GRB10: variants seen among roughly 807,000 people sequenced by gnomAD.
GRB10 encodes growth factor receptor-bound protein 10.
In GRB10, 20 loss-of-function variants were observed where a neutral mutation model predicts 80.9. The ratio of observed to expected loss-of-function variants is 0.25; its 90% CI spans 0.17 to 0.36. GRB10 has a LOEUF of 0.36. Ranked by LOEUF, GRB10 falls within the 10% of genes least tolerant of loss-of-function variation. GRB10 has a pLI of 1.00. For synonymous variants in GRB10, 291 were observed against 291.5 expected (o/e 1.00, Z 0.02); for missense variants, 548 against 747.7 (o/e 0.73, Z 3.12).
intron 8 of GRB10, among the ~76,000 whole-genome samples, chr7:50,623,265 T>C (rs969902924): frequency 6.6e-6 from 1 of 152,156 alleles, no homozygotes; most frequent in Non-Finnish European, 1.5e-5. Flanking sequence ...CTGGGGGCAG[T>C]GCTAACATAG....
chr7:50,776,792 C>T (rs185129968), intron 2 of GRB10, among the ~76,000 whole-genome samples: 3 of 152,278 alleles, frequency 2.0e-5, no homozygotes, highest in Middle Eastern at 3.4e-3. Context: ...CACAGCAGAA[C>T]GGGCTTTACT....
intron 6 of GRB10, among the ~76,000 whole-genome samples, chr7:50,671,497 A>G (rs2060344825): frequency 6.6e-6 from 1 of 152,262 alleles, no homozygotes; most frequent in South Asian, 2.1e-4. Context: ...ACGAGAACTC[A>G]CATGGCATGA....
At chr7:50,790,041 T>G (rs1320303707) in intron 1 of GRB10, among the ~76,000 whole-genome samples, 1 of 152,166 alleles carries the variant, frequency 6.6e-6, no homozygotes, top group Non-Finnish European at 1.5e-5. Context: ...AAGACAAAAG[T>G]GCAGGAAAGC....
At chr7:50,743,343 T>C (rs2072240005) in intron 3 of GRB10, among the ~76,000 whole-genome samples, 1 of 152,258 alleles carries the variant, frequency 6.6e-6, no homozygotes, top group Admixed American at 6.5e-5. Context: ...TTCAGTAGTC[T>C]GGTCAGCCTC....
intron 4 of GRB10, among the ~76,000 whole-genome samples, chr7:50,713,902 C>G (rs976276167): frequency 6.6e-6 from 1 of 151,898 alleles, no homozygotes; most frequent in African/African-American, 2.4e-5. Flanking sequence ...CACTACCTAC[C>G]CCTTCATCAC....
intron 1 of GRB10, among the ~76,000 whole-genome samples, chr7:50,790,795 C>A (rs1056172335): frequency 6.6e-6 from 1 of 152,244 alleles, no homozygotes; most frequent in African/African-American, 2.4e-5. Context: ...AGAATTTCTA[C>A]AGCTCTAAAA....
In GRB10 at chr7:50,591,489, A is replaced by C. The variant is rs546459202; in HGVS notation, c.*1463T>G. The C allele has an allele frequency of 6.6e-6, 1 of 152,368 alleles. No individual in the cohort carries two copies. Among genetic ancestry groups the C allele is most frequent in the South Asian group, 2.1e-4 (1 of 4,828 alleles). 9.4% of individuals were successfully genotyped at this position (152,368 alleles called of 1,614,324 possible). On this transcript the variant is annotated 3_prime_UTR_variant, in exon 19 of 19. Coordinates refer to ENST00000401949, the MANE Select transcript of GRB10 (RefSeq NM_001350814.2). ...AGGAAATCATTCTGCTCACCACAGT[A>C]GTTTGTCGCCTGTCAAAGGAGTCCT...
At chr7:50,703,944 T>C (rs749778812) in intron 4 of GRB10, 36 bp from the exon 5 acceptor site, 2 of 1,457,032 alleles carry the variant, frequency 1.4e-6, no homozygotes, top group Non-Finnish European at 1.9e-6. Context: ...AGGCTGTGAG[T>C]TCACAAGAAG....
At chr7:50,616,109 T>A in intron 11 of GRB10, 101 bp downstream of exon 11, 1 of 1,349,160 alleles carries the variant, frequency 7.4e-7, no homozygotes, top group Non-Finnish European at 1.1e-6. Context: ...CTTGGAGGAG[T>A]CTAAGGTGCA....
chr7:50,755,801 A>G, intron 3 of GRB10, 86 bp downstream of exon 3: 1 of 398,440 alleles, frequency 2.5e-6, no homozygotes, highest in Non-Finnish European at 4.4e-6. Context: ...AGTGACACGC[A>G]TTCACTGACC....
intron 5 of GRB10, among the ~76,000 whole-genome samples, chr7:50,682,173 G>A (rs2237485): frequency 0.2 from 29,932 of 152,218 alleles, 3,899 homozygotes; most frequent in East Asian, 0.51. Flanking sequence ...AGAAGGGATC[G>A]TAGCTCACCT....
intron 2 of GRB10, among the ~76,000 whole-genome samples, chr7:50,778,257 C>G (rs552775738): frequency 6.6e-6 from 1 of 152,270 alleles, no homozygotes; most frequent in South Asian, 2.1e-4. Flanking sequence ...TTTATCTAAT[C>G]CAAAGTTTCC....
intron 4 of GRB10, among the ~76,000 whole-genome samples, chr7:50,726,511 G>C (rs1338353129): frequency 1.3e-5 from 2 of 152,120 alleles, no homozygotes. Context: ...TGATGTTTGA[G>C]AAGATTTAGG....
At chr7:50,620,488 G>A (rs558628000) in intron 8 of GRB10, among the ~76,000 whole-genome samples, 4 of 152,108 alleles carry the variant, frequency 2.6e-5, no homozygotes, top group East Asian at 3.9e-4. Context: ...AGCCCCGACC[G>A]GCATGCAGAA....
intron 4 of GRB10, among the ~76,000 whole-genome samples, chr7:50,712,809 C>A (rs941976919): frequency 1.3e-5 from 2 of 152,242 alleles, no homozygotes; most frequent in Non-Finnish European, 2.9e-5. Context: ...CAATCATTTA[C>A]ATTTTAAACA....
At chr7:50,618,615 C>T (rs546997794) in intron 9 of GRB10, among the ~76,000 whole-genome samples, 1 of 152,228 alleles carries the variant, frequency 6.6e-6, no homozygotes, top group East Asian at 1.9e-4. Flanking sequence ...CCAGTTGATG[C>T]AGCTCTGACC....
intron 7 of GRB10, among the ~76,000 whole-genome samples, chr7:50,654,026 C>T (rs1563307065): frequency 2.0e-5 from 3 of 152,216 alleles, no homozygotes; most frequent in South Asian, 4.1e-4. Flanking sequence ...TATGCTGAGG[C>T]TCAAGGGCTG....
At chr7:50,660,414 C>A (rs966063252) in intron 7 of GRB10, among the ~76,000 whole-genome samples, 6 of 152,048 alleles carry the variant, frequency 3.9e-5, no homozygotes, top group Admixed American at 1.3e-4. Context: ...GTTCACACGG[C>A]AAGAGGGGAG....
intron 2 of GRB10, among the ~76,000 whole-genome samples, chr7:50,774,195 C>G (rs2077336211): frequency 6.6e-6 from 1 of 152,046 alleles, no homozygotes; most frequent in African/African-American, 2.4e-5. Context: ...GTTGGGAAAG[C>G]AGGGGGAGCA....
Sources: gnomAD v4.1 joint callset for allele counts (sites outside exome capture counted in the v4.1 genomes callset) on GRCh38, gnomAD v4.1.1 for gene constraint, MANE v1.5 for transcripts, NCBI Gene and HGNC (gene_info 2026-07-23, HGNC 2026-07-21) for gene names.